Variants in CMTM4 observed in about 807,000 individuals in gnomAD.
CMTM4 encodes the protein CKLF like MARVEL transmembrane domain containing 4.
In CMTM4, 8 loss-of-function variants were observed where a neutral mutation model predicts 19.0. The ratio of observed to expected loss-of-function variants is 0.42; its 90% CI spans 0.25 to 0.76. The LOEUF is 0.76. Among genes scored for constraint, CMTM4 ranks in the 30% least tolerant of loss-of-function variants. The probability of loss-of-function intolerance (pLI) is 0.27; values close to 1 mark genes in which losing one functional copy is unlikely to be tolerated. For synonymous variants in CMTM4, 106 were observed against 121.1 expected (o/e 0.88, Z 0.82); for missense variants, 228 against 290.2 (o/e 0.79, Z 1.56).
chr16:66,609,596 CCTGG>C, the CMTM4 span: 1 of 1,526,818 alleles, frequency 6.5e-7, no homozygotes, highest in South Asian at 1.2e-5. The surrounding 1 kb of genome is among the most constrained non-coding windows in gnomAD (Gnocchi z 4.4). Context: ...TAGGGTGGGA[CCTGG>C]GGCAGAGCCT....
chr16:66,605,715 A>C, the CMTM4 span: 1 of 152,670 alleles, frequency 6.6e-6, no homozygotes, highest in African/African-American at 2.4e-5. This position sits in a 1 kb window ranked among gnomAD's most constrained non-coding sequence, Gnocchi z 4.6. Context: ...TCCCCACTTT[A>C]CAGATGAGAG....
At chr16:66,600,123 T>TAGGGGGGGGGGGGGG in the CMTM4 span, among the ~76,000 whole-genome samples, 1 of 145,636 alleles carries the variant, frequency 6.9e-6, no homozygotes, top group African/African-American at 2.6e-5. Context: ...TGTGTGTGTG[T>TAGGGGGGGGGGGGGG]GTGTGTGTGT....
intron 2 of CMTM4, among the ~76,000 whole-genome samples, chr16:66,631,702 T>G (rs1176217233): frequency 6.6e-6 from 1 of 152,128 alleles, no homozygotes; most frequent in Non-Finnish European, 1.5e-5. Context: ...CGGTGCAAGA[T>G]GTGCTTTGTT....
rs1384274580 is a variant in CMTM4, at chr16:66,618,656, T to A, written c.*3402A>T. On this transcript the variant is annotated 3_prime_UTR_variant, in exon 4 of 4. Coordinates refer to ENST00000394106, the MANE Select transcript of CMTM4 (RefSeq NM_181521.3). ...TCACGTACATGAGTGCACAAAGGTG[T>A]TGGAGCTTGGTCTCCTCAGGCTTAA... 2 of 985,376 alleles carry A rather than the reference T, an allele frequency of 2.0e-6. No individual in the cohort carries two copies. Among genetic ancestry groups the A allele is most frequent in the Non-Finnish European group, 2.4e-6 (2 of 829,958 alleles). The allele number at this position is 985,376 out of a possible 1,614,324, so 61.0% of individuals were successfully genotyped here. A position where few individuals can be genotyped will look rare whatever the true frequency, so the allele number is the denominator to read the frequency against.
chr16:66,618,077 G>A lies in CMTM4; in HGVS notation c.*3981C>T, dbSNP rs76037591. On this transcript the variant is annotated 3_prime_UTR_variant, in exon 4 of 4. Transcript: ENST00000394106. ...GCCTACCAAGCTGTTGGGCCTGGAC[G>A]TGGGTGCTGATAAAATAAGACAAAC... is the stretch of plus-strand genomic sequence containing the variant. 1,516 of 985,478 alleles carry A rather than the reference G, an allele frequency of 1.5e-3. 14 individuals carry two copies. In the African/African-American group the frequency reaches 0.025, roughly 16 times the overall value. 61.0% of individuals were successfully genotyped at this position (985,478 alleles called of 1,614,324 possible).
chr16:66,643,554 T>G (rs2016135278), intron 1 of CMTM4, among the ~76,000 whole-genome samples: 1 of 152,206 alleles, frequency 6.6e-6, no homozygotes, highest in Non-Finnish European at 1.5e-5. Flanking sequence ...AGTACAGAAT[T>G]CTATTGTCAT....
Position 66,618,668 on chromosome 16 carries a change from C to A in CMTM4, c.*3390G>T, listed in dbSNP as rs2015571435. ...GTGCACAAAGGTGTTGGAGCTTGGT[C>A]TCCTCAGGCTTAACCCAAGGCTGAC... On this transcript the variant is annotated 3_prime_UTR_variant, in exon 4 of 4. Coordinates refer to ENST00000394106, the MANE Select transcript of CMTM4 (RefSeq NM_181521.3). 1 of 985,522 alleles carries A rather than the reference C, an allele frequency of 1.0e-6. No homozygotes were observed. 61.0% of individuals were successfully genotyped at this position (985,522 alleles called of 1,614,324 possible). A position where few individuals can be genotyped will look rare whatever the true frequency, so the allele number is the denominator to read the frequency against.
chr16:66,647,323 CAAAA>C (rs58483961), intron 1 of CMTM4, among the ~76,000 whole-genome samples: 2 of 62,486 alleles, frequency 3.2e-5, no homozygotes, highest in Admixed American at 1.5e-4. Flanking sequence ...GACTCTGTCT[CAAAA>C]AAAAAAAAAA....
chr16:66,612,726 G>A (rs2015428586), downstream of CMTM4: 4 of 1,340,588 alleles, frequency 3.0e-6, no homozygotes, highest in Admixed American at 5.7e-5. The surrounding 1 kb of genome is among the most constrained non-coding windows in gnomAD (Gnocchi z 6.0). Context: ...CGGAGGCCTG[G>A]ACTTCTGAGT....
intron 2 of CMTM4, among the ~76,000 whole-genome samples, chr16:66,630,255 GTGTC>G (rs2015822868): frequency 6.7e-6 from 1 of 149,374 alleles, no homozygotes. Flanking sequence ...AATGTATTTG[GTGTC>G]AGAAAAAAAA....
intron 1 of CMTM4, among the ~76,000 whole-genome samples, chr16:66,692,059 T>C (rs1050792454): frequency 2.0e-5 from 3 of 152,034 alleles, no homozygotes; most frequent in African/African-American, 7.2e-5. Flanking sequence ...TGACTATTTA[T>C]CGAAAGCTGG....
chr16:66,600,135 T>G, the CMTM4 span, among the ~76,000 whole-genome samples: 352 of 134,048 alleles, frequency 2.6e-3, 4 homozygotes, highest in African/African-American at 9.8e-3. Context: ...TGTGTGTGTG[T>G]GTTTTTTTTT....
intron 1 of CMTM4, among the ~76,000 whole-genome samples, chr16:66,653,108 C>T (rs1404052469): frequency 2.0e-5 from 3 of 152,132 alleles, no homozygotes; most frequent in Non-Finnish European, 4.4e-5. Flanking sequence ...TGTCGCATCC[C>T]CAGAATACAA....
Position 66,619,354 on chromosome 16 carries a change from G to T in CMTM4, c.*2704C>A. The T allele has an allele frequency of 1.0e-6, 1 of 985,384 alleles. No individual in the cohort carries two copies. Among genetic ancestry groups the T allele is most frequent in the African/African-American group, 1.7e-5 (1 of 57,342 alleles). 61.0% of individuals were successfully genotyped at this position (985,384 alleles called of 1,614,324 possible). A position where few individuals can be genotyped will look rare whatever the true frequency, so the allele number is the denominator to read the frequency against. On this transcript the variant is annotated 3_prime_UTR_variant, in exon 4 of 4. Coordinates refer to ENST00000394106, the MANE Select transcript of CMTM4 (RefSeq NM_181521.3). ...GAGGGTTTCAGCTGTACAGTGTCCA[G>T]GAAAAAACCCAAATGCACACAGCAA...
In CMTM4 at chr16:66,621,655, G is replaced by A; in HGVS notation, c.*403C>T. On this transcript the variant is annotated 3_prime_UTR_variant, in exon 4 of 4. Transcript: ENST00000394106. ...CTTGGAGCAGGTGGTGCCTAAGGCT[G>A]CCTGAGAACCACTGCCGACTGACCG... 2.0e-6 allele frequency: 2 copies of A among 1,014,238 alleles called. No individual in the cohort carries two copies. The highest frequency in any genetic ancestry group is 2.4e-6 in the Non-Finnish European group (2 of 845,594). The allele number at this position is 1,014,238 out of a possible 1,614,324, so 62.8% of individuals were successfully genotyped here.
intron 1 of CMTM4, among the ~76,000 whole-genome samples, chr16:66,667,850 T>G (rs1465753575): frequency 6.6e-6 from 1 of 152,090 alleles, no homozygotes; most frequent in Non-Finnish European, 1.5e-5. Context: ...ATCACACCAC[T>G]GCACTCCAAC....
At chr16:66,695,272 G>A (rs535208377) in intron 1 of CMTM4, among the ~76,000 whole-genome samples, 1 of 152,178 alleles carries the variant, frequency 6.6e-6, no homozygotes, top group Admixed American at 6.5e-5. Context: ...GCTTGAGCCT[G>A]GGAGGTCGAA....
At chr16:66,687,450 G>A (rs1243130741) in intron 1 of CMTM4, among the ~76,000 whole-genome samples, 1 of 152,050 alleles carries the variant, frequency 6.6e-6, no homozygotes, top group Non-Finnish European at 1.5e-5. Flanking sequence ...AGGATCGCTT[G>A]AGCCCAGGAG....
At chr16:66,690,720 CAATT>C (rs1216322815) in intron 1 of CMTM4, among the ~76,000 whole-genome samples, 3 of 152,092 alleles carry the variant, frequency 2.0e-5, no homozygotes, top group Non-Finnish European at 4.4e-5. Flanking sequence ...CTAAAATGGT[CAATT>C]AGTCATTACT....
Sources: allele counts gnomAD v4.1 joint callset (sites outside exome capture counted in the v4.1 genomes callset), GRCh38; gene constraint gnomAD v4.1.1; non-coding constraint Gnocchi (gnomAD v3.1); transcripts MANE v1.5; gene names NCBI Gene and HGNC (gene_info 2026-07-23, HGNC 2026-07-21).